The following ITPR2 variants were observed in gnomAD, a reference collection of about 807,000 sequenced individuals.
ITPR2 encodes inositol 1,4,5-trisphosphate receptor type 2.
In ITPR2, 207 loss-of-function variants were observed where a neutral mutation model predicts 317.1. That is an observed-to-expected ratio of 0.65 (90% CI 0.58 to 0.73). The LOEUF (loss-of-function observed/expected upper bound fraction) is 0.73. Among genes scored for constraint, ITPR2 ranks in the 30% least tolerant of loss-of-function variants. ITPR2 has a pLI of 0.00. For missense variants in ITPR2, 2,613 were observed against 3,284.0 expected, an observed-to-expected ratio of 0.80 and a Z score of 4.99; for synonymous variants, 1,156 against 1,149.1, an observed-to-expected ratio of 1.01 and a Z score of -0.12.
chr12:26,525,585 GT>G (rs1190834966), intron 37 of ITPR2, among the ~76,000 whole-genome samples: 1 of 152,102 alleles, frequency 6.6e-6, no homozygotes, highest in Non-Finnish European at 1.5e-5. Context: ...CTATATGTTT[GT>G]TTTTATTCTC....
At chr12:26,779,130 A>C in intron 2 of ITPR2, among the ~76,000 whole-genome samples, 1 of 152,212 alleles carries the variant, frequency 6.6e-6, no homozygotes, top group African/African-American at 2.4e-5. Context: ...CAACAGATCC[A>C]ATGATGCCTG....
intron 55 of ITPR2, among the ~76,000 whole-genome samples, chr12:26,349,908 C>T (rs536323775): frequency 1.3e-5 from 2 of 152,308 alleles, no homozygotes; most frequent in South Asian, 4.2e-4. Flanking sequence ...AATGACTTCA[C>T]GGGACTCCTA....
chr12:26,790,305 A>G, intron 1 of ITPR2, 78 bp from the exon 2 acceptor site: 1 of 1,101,912 alleles, frequency 9.1e-7, no homozygotes, highest in South Asian at 1.3e-5. Flanking sequence ...GATATTGCAT[A>G]AATATTTACC....
chr12:26,684,476 T>C (rs1259676564), intron 11 of ITPR2, among the ~76,000 whole-genome samples: 2 of 152,240 alleles, frequency 1.3e-5, no homozygotes, highest in South Asian at 2.1e-4. Context: ...TAAGAGTTAC[T>C]GCCAGTATGC....
At chr12:26,412,983 G>C (rs745829494) in intron 51 of ITPR2, among the ~76,000 whole-genome samples, 148 of 152,306 alleles carry the variant, frequency 9.7e-4, no homozygotes, top group Non-Finnish European at 1.7e-3. Context: ...AAGCCACATA[G>C]GTGGCTCCAG....
intron 55 of ITPR2, among the ~76,000 whole-genome samples, chr12:26,345,523 T>A (rs1223847034): frequency 1.3e-5 from 2 of 152,174 alleles, no homozygotes; most frequent in Non-Finnish European, 2.9e-5. Context: ...CAAAATATCT[T>A]ACCATTTTTG....
chr12:26,458,949 G>A (rs998097366), intron 45 of ITPR2, among the ~76,000 whole-genome samples: 1 of 152,306 alleles, frequency 6.6e-6, no homozygotes, highest in Non-Finnish European at 1.5e-5. Context: ...CCCATAGCGG[G>A]CCTTCCCCGA....
chr12:26,713,992 A>G (rs1817579007), intron 8 of ITPR2, among the ~76,000 whole-genome samples: 1 of 152,138 alleles, frequency 6.6e-6, no homozygotes, highest in African/African-American at 2.4e-5. Flanking sequence ...TCACCTGTTG[A>G]TGGTTGTGGT....
intron 45 of ITPR2, among the ~76,000 whole-genome samples, chr12:26,445,193 G>T (rs1565530657): frequency 6.6e-6 from 1 of 152,146 alleles, no homozygotes; most frequent in South Asian, 2.1e-4. Flanking sequence ...GCGACTAATA[G>T]TTTAGAAACG....
At position 26,646,805 on chromosome 12, in the gene ITPR2, A is replaced by G. The variant is rs1039171936; in HGVS notation, c.2740+7171T>C. On this transcript the variant is annotated intron_variant, in intron 21 of 56. Transcript: ENST00000381340. ...GGAATTCTCCATTGAATTTTTTTTA[A>G]GTGACTCCTCATTTTCTACATCATA... 4.6e-5 allele frequency among the ~76,000 whole-genome samples: 7 copies of G among 152,198 alleles called. No homozygotes were observed. The South Asian group carries it at 1.4e-3, about 31-fold the overall frequency.
chr12:26,372,033 C>T (rs1939203360), intron 55 of ITPR2, among the ~76,000 whole-genome samples: 1 of 152,208 alleles, frequency 6.6e-6, no homozygotes. Flanking sequence ...TTAGCTCCAA[C>T]CTAATCCAGG....
chr12:26,452,786 C>G (rs1941771686), intron 45 of ITPR2, among the ~76,000 whole-genome samples: 1 of 152,092 alleles, frequency 6.6e-6, no homozygotes, highest in Admixed American at 6.5e-5. Flanking sequence ...CAGCACGATG[C>G]CCTCACCAGA....
At chr12:26,470,289 T>G (rs1942266739) in intron 45 of ITPR2, among the ~76,000 whole-genome samples, 1 of 152,176 alleles carries the variant, frequency 6.6e-6, no homozygotes, top group South Asian at 2.1e-4. Flanking sequence ...CATGGAAAGA[T>G]TATATAATTA....
At chr12:26,531,688 T>C (rs1259708638) in intron 37 of ITPR2, among the ~76,000 whole-genome samples, 1 of 151,532 alleles carries the variant, frequency 6.6e-6, no homozygotes. Flanking sequence ...CACACAAGTG[T>C]GTATCTGAAT....
intron 26 of ITPR2, among the ~76,000 whole-genome samples, chr12:26,611,716 C>T (rs1388559583): frequency 2.0e-5 from 3 of 152,150 alleles, no homozygotes; most frequent in Non-Finnish European, 2.9e-5. Flanking sequence ...TCCTCTGAAG[C>T]ACTGCAATGC....
Position 26,621,210 on chromosome 12 carries a change from C to T in ITPR2, c.3375G>A (p.Lys1125=). 1 of 1,613,966 alleles carries T rather than the reference C, an allele frequency of 6.2e-7. No individual in the cohort carries two copies. The highest frequency in any genetic ancestry group is 1.1e-5 in the South Asian group (1 of 91,058). The change falls in exon 26 of 57, where the codon AAG becomes AAA. Residue 1125 remains lysine (K), a synonymous_variant. Coordinates refer to ENST00000381340, the MANE Select transcript of ITPR2 (RefSeq NM_002223.4). ...TGCTCTTCTCCACCCATAGCTCAGA[C>T]TTTTCTACTGTCAGTCGAAGCTGGT... ...DLDQLRLTVE[K]SELWVEKSSN...
intron 34 of ITPR2, among the ~76,000 whole-genome samples, chr12:26,562,962 A>C (rs1354461145): frequency 6.6e-6 from 1 of 151,846 alleles, no homozygotes; most frequent in East Asian, 1.9e-4. Context: ...AAACTTGTAT[A>C]GCAAAAAAAA....
intron 55 of ITPR2, among the ~76,000 whole-genome samples, chr12:26,356,124 A>G (rs1248230803): frequency 1.3e-5 from 2 of 152,228 alleles, no homozygotes; most frequent in East Asian, 1.9e-4. Flanking sequence ...ATAGCTTTGC[A>G]GAATATAGCA....
chr12:26,613,048 T>G (rs1254794945), intron 26 of ITPR2, among the ~76,000 whole-genome samples: 3 of 152,182 alleles, frequency 2.0e-5, no homozygotes, highest in African/African-American at 7.2e-5. Flanking sequence ...TGGGTGTTCA[T>G]GAAGTGTGTT....
Sources: gnomAD v4.1 joint callset for allele counts (sites outside exome capture counted in the v4.1 genomes callset) on GRCh38, gnomAD v4.1.1 for gene constraint, MANE v1.5 for transcripts, NCBI Gene and HGNC (gene_info 2026-07-23, HGNC 2026-07-21) for gene names.